The following CCDC178 variants were observed in gnomAD, a reference collection of about 807,000 sequenced individuals.
CCDC178 encodes the protein coiled-coil domain containing 178.
A neutral mutation model predicts 117.4 loss-of-function variants in CCDC178; 126 were observed. The ratio of observed to expected loss-of-function variants is 1.07; its 90% CI spans 0.93 to 1.24. The LOEUF (loss-of-function observed/expected upper bound fraction) is 1.24. Ranked by LOEUF, CCDC178 falls within the 50% of genes most tolerant of loss-of-function variation. The pLI, the probability that CCDC178 is intolerant of heterozygous loss-of-function variation, is 0.00. For synonymous variants in CCDC178, 283 were observed against 313.4 expected, an observed-to-expected ratio of 0.90 and a Z score of 1.02; for missense variants, 1,030 against 986.9, an observed-to-expected ratio of 1.04 and a Z score of -0.59.
intron 20 of CCDC178, among the ~76,000 whole-genome samples, chr18:33,187,130 C>T (rs1038328584): frequency 7.3e-6 from 1 of 137,596 alleles, no homozygotes; most frequent in Non-Finnish European, 1.5e-5. Context: ...AGAGAGAGAA[C>T]TGCCAAACAT....
intron 6 of CCDC178, among the ~76,000 whole-genome samples, chr18:33,360,663 A>C (rs1005215099): frequency 6.6e-5 from 10 of 151,654 alleles, no homozygotes; most frequent in Non-Finnish European, 1.3e-4. Flanking sequence ...AGCAGTTGCA[A>C]GATACAAAAT....
intron 22 of CCDC178, among the ~76,000 whole-genome samples, chr18:32,955,913 A>G (rs7234670): frequency 8.5e-5 from 13 of 152,140 alleles, no homozygotes; most frequent in African/African-American, 2.7e-4. Flanking sequence ...TTTTCTCATA[A>G]AAGGCTTATA....
intron 22 of CCDC178, among the ~76,000 whole-genome samples, chr18:32,953,496 CA>C (rs1370879737): frequency 6.6e-6 from 1 of 152,166 alleles, no homozygotes; most frequent in East Asian, 1.9e-4. Context: ...AAGTCAATTG[CA>C]AATACAGCCT....
chr18:33,407,488 A>G (rs972804245), intron 3 of CCDC178, among the ~76,000 whole-genome samples: 3 of 152,156 alleles, frequency 2.0e-5, no homozygotes, highest in African/African-American at 7.2e-5. Flanking sequence ...AGATAATCCA[A>G]AAGTTTTGAT....
intron 12 of CCDC178, among the ~76,000 whole-genome samples, chr18:33,274,059 C>T (rs67246295): frequency 0.069 from 10,442 of 151,442 alleles, 554 homozygotes; most frequent in African/African-American, 0.14. Context: ...TGAAAAAGAA[C>T]GGAATATAAA....
At chr18:33,043,521 T>G (rs1368796198) in intron 21 of CCDC178, among the ~76,000 whole-genome samples, 1 of 152,104 alleles carries the variant, frequency 6.6e-6, no homozygotes. Flanking sequence ...TAGAATGGTG[T>G]GTGGCGTATT....
At chr18:33,309,586 G>A (rs1049696807) in intron 11 of CCDC178, among the ~76,000 whole-genome samples, 9 of 152,000 alleles carry the variant, frequency 5.9e-5, no homozygotes, top group Admixed American at 3.3e-4. Context: ...TAAAAATTAC[G>A]AAGTGGTTTC....
chr18:33,057,460 A>G (rs1408372076), intron 21 of CCDC178, among the ~76,000 whole-genome samples: 1 of 152,138 alleles, frequency 6.6e-6, no homozygotes, highest in East Asian at 1.9e-4. Context: ...GTTGCAACTC[A>G]TTTAAGGTTA....
chr18:33,354,860 T>C (rs1052327611), intron 7 of CCDC178, among the ~76,000 whole-genome samples: 1 of 152,170 alleles, frequency 6.6e-6, no homozygotes, highest in African/African-American at 2.4e-5. Flanking sequence ...TCCACCCGCC[T>C]TGGCCTCCCA....
At chr18:32,968,257 T>G (rs2054857333) in intron 22 of CCDC178, among the ~76,000 whole-genome samples, 1 of 152,052 alleles carries the variant, frequency 6.6e-6, no homozygotes, top group African/African-American at 2.4e-5. Flanking sequence ...TTTCACTTTC[T>G]GTGTCTGACT....
intron 10 of CCDC178, among the ~76,000 whole-genome samples, chr18:33,330,614 A>C (rs2062654482): frequency 6.6e-6 from 1 of 152,212 alleles, no homozygotes; most frequent in East Asian, 1.9e-4. Context: ...AACAATCAAT[A>C]GGAGCGAGGA....
intron 5 of CCDC178, among the ~76,000 whole-genome samples, chr18:33,379,834 T>A (rs2063417821): frequency 6.6e-6 from 1 of 152,116 alleles, no homozygotes; most frequent in African/African-American, 2.4e-5. Flanking sequence ...TGCCTGGAGA[T>A]CTGCCTATGT....
chr18:32,987,120 AAAAC>A (rs2055280174), intron 21 of CCDC178, among the ~76,000 whole-genome samples: 1 of 152,000 alleles, frequency 6.6e-6, no homozygotes, highest in Non-Finnish European at 1.5e-5. Context: ...TAACAATTAA[AAAAC>A]AAAGAGATAC....
intron 3 of CCDC178, 83 bp downstream of exon 3, chr18:33,411,948 G>C (rs2063860442): frequency 4.6e-6 from 3 of 658,482 alleles, no homozygotes; most frequent in Admixed American, 6.2e-5. Flanking sequence ...TACTATCTTT[G>C]CAGTTGCCCT....
At chr18:33,243,329 T>C (rs1462393900) in intron 15 of CCDC178, among the ~76,000 whole-genome samples, 2 of 151,798 alleles carry the variant, frequency 1.3e-5, no homozygotes, top group Admixed American at 1.3e-4. Flanking sequence ...GTTCTCGTGT[T>C]CCATACCACT....
At chr18:33,120,024 G>A (rs992559128) in intron 20 of CCDC178, among the ~76,000 whole-genome samples, 91 of 151,984 alleles carry the variant, frequency 6.0e-4, no homozygotes, top group Non-Finnish European at 9.6e-4. Context: ...ATCACACACC[G>A]GGGCCTGTCG....
chr18:33,080,396 A>G (rs906486258), intron 21 of CCDC178, among the ~76,000 whole-genome samples: 3 of 152,142 alleles, frequency 2.0e-5, no homozygotes, highest in Non-Finnish European at 4.4e-5. Flanking sequence ...AAACCTGCAC[A>G]TGTAACCCTG....
At chr18:32,953,158 T>TCAAGTTC (rs1378075649) in intron 22 of CCDC178, among the ~76,000 whole-genome samples, 1 of 152,184 alleles carries the variant, frequency 6.6e-6, no homozygotes, top group Non-Finnish European at 1.5e-5. Flanking sequence ...ATCATCTCTC[T>TCAAGTTC]CAAGTTCCAA....
At chr18:33,087,566 TTGTGTGTGTGTGTGTGTGTG>T (rs57033642) in intron 21 of CCDC178, among the ~76,000 whole-genome samples, 2 of 146,130 alleles carry the variant, frequency 1.4e-5, no homozygotes, top group South Asian at 2.1e-4. Context: ...CCAAAGCCAT[TTGTGTGTGTGTGTGTGTGTG>T]TGTGTGTGTG....
Sources: allele counts gnomAD v4.1 joint callset (sites outside exome capture counted in the v4.1 genomes callset), GRCh38; gene constraint gnomAD v4.1.1; transcripts MANE v1.5; gene names NCBI Gene and HGNC (gene_info 2026-07-23, HGNC 2026-07-21).